Variants in HCRTR2 observed in about 807,000 individuals in gnomAD.
HCRTR2 encodes hypocretin receptor 2, also known as orexin receptor type 2.
A neutral mutation model predicts 49.0 loss-of-function variants in HCRTR2; 22 were observed. The ratio of observed to expected loss-of-function variants is 0.45; its 90% CI spans 0.32 to 0.64. HCRTR2 has a LOEUF of 0.64. Ranked by LOEUF, HCRTR2 falls within the 30% of genes least tolerant of loss-of-function variation. The pLI is 0.04. For synonymous variants in HCRTR2, 236 were observed against 205.3 expected (o/e 1.15, Z -1.28); for missense variants, 491 against 559.4 (o/e 0.88, Z 1.23).
chr6:55,284,528 T>C (rs1185480425), downstream of HCRTR2, among the ~76,000 whole-genome samples: 1 of 152,132 alleles, frequency 6.6e-6, no homozygotes, highest in African/African-American at 2.4e-5. Context: ...CTGACATCAG[T>C]TTATCTGCCT....
intron 1 of HCRTR2, among the ~76,000 whole-genome samples, chr6:55,141,313 C>T (rs1415486120): frequency 2.0e-5 from 3 of 151,858 alleles, no homozygotes; most frequent in Non-Finnish European, 2.9e-5. Flanking sequence ...CACTGCACTC[C>T]AGCCTGGGCG....
chr6:55,174,542 C>A lies in HCRTR2; in HGVS notation c.-46C>A. ...AAATCACCAGTGCTCATGGGGCAGGCGGAGAGGAGCTTGCAGCATTGAGCG... is the reference window on the plus strand; with the variant it reads ...AAATCACCAGTGCTCATGGGGCAGGAGGAGAGGAGCTTGCAGCATTGAGCG... On this transcript the variant is annotated 5_prime_UTR_variant, in exon 1 of 7. Transcript: ENST00000370862. 2 of 1,484,066 alleles carry A rather than the reference C, an allele frequency of 1.3e-6. No homozygotes were observed. Among genetic ancestry groups the A allele is most frequent in the Non-Finnish European group, 1.9e-6 (2 of 1,061,840 alleles). 91.9% of individuals were successfully genotyped at this position (1,484,066 alleles called of 1,614,324 possible).
intron 1 of HCRTR2, among the ~76,000 whole-genome samples, chr6:55,139,277 C>A (rs1043509943): frequency 1.3e-5 from 2 of 152,096 alleles, no homozygotes; most frequent in African/African-American, 4.8e-5. Context: ...GTATGAGAGA[C>A]TAAGTTTATG....
chr6:55,207,622 C>G (rs1198035568), intron 1 of HCRTR2, among the ~76,000 whole-genome samples: 2 of 151,960 alleles, frequency 1.3e-5, no homozygotes, highest in Non-Finnish European at 2.9e-5. Context: ...AGGGAAGAAC[C>G]AAAAATTGTT....
At chr6:55,254,260 G>C (rs1184075190) in intron 2 of HCRTR2, among the ~76,000 whole-genome samples, 5 of 151,998 alleles carry the variant, frequency 3.3e-5, no homozygotes, top group African/African-American at 1.2e-4. Flanking sequence ...AAAGAAATCA[G>C]AAGTCTTTTT....
intron 1 of HCRTR2, among the ~76,000 whole-genome samples, chr6:55,181,730 G>A (rs1483752301): frequency 2.0e-5 from 3 of 152,102 alleles, no homozygotes; most frequent in Admixed American, 1.3e-4. Flanking sequence ...TGTCAGCTTG[G>A]GAAAAGCTTG....
chr6:55,157,034 CAATT>C (rs1381238265), intron 1 of HCRTR2, among the ~76,000 whole-genome samples: 1 of 151,904 alleles, frequency 6.6e-6, no homozygotes, highest in African/African-American at 2.4e-5. Context: ...TAGTTCTAGT[CAATT>C]AATCATTAAA....
At chr6:55,178,717 C>A (rs1765082278) in intron 1 of HCRTR2, among the ~76,000 whole-genome samples, 1 of 152,280 alleles carries the variant, frequency 6.6e-6, no homozygotes, top group Admixed American at 6.5e-5. Flanking sequence ...ATGGTGTTGG[C>A]ACACATTACT....
chr6:55,172,291 G>A (rs1198340178), upstream of HCRTR2, among the ~76,000 whole-genome samples: 1 of 151,906 alleles, frequency 6.6e-6, no homozygotes, highest in African/African-American at 2.4e-5. Context: ...TGTGACCTTT[G>A]GGATTTTCTA....
chr6:55,254,136 C>T (rs62416821), intron 2 of HCRTR2, among the ~76,000 whole-genome samples: 26,329 of 151,958 alleles, frequency 0.17, 2,778 homozygotes, highest in Non-Finnish European at 0.24. Context: ...CCTCCTACCA[C>T]AGAGCTTTGT....
intron 1 of HCRTR2, among the ~76,000 whole-genome samples, chr6:55,148,577 G>A (rs904412653): frequency 4.6e-5 from 7 of 152,140 alleles, no homozygotes; most frequent in African/African-American, 1.4e-4. Flanking sequence ...AGAGTAGCCT[G>A]CAGGAAAGCT....
chr6:55,262,238 C>T (rs1451327063), intron 3 of HCRTR2, among the ~76,000 whole-genome samples: 2 of 150,306 alleles, frequency 1.3e-5, no homozygotes, highest in African/African-American at 2.5e-5. Flanking sequence ...CAAACACCAA[C>T]TGTTTCCCCA....
At chr6:55,149,215 T>G in intron 1 of HCRTR2, among the ~76,000 whole-genome samples, 1 of 152,096 alleles carries the variant, frequency 6.6e-6, no homozygotes, top group Non-Finnish European at 1.5e-5. Flanking sequence ...ACAGTTTTGT[T>G]TTGTGGAAAA....
chr6:55,121,308 T>G (rs1198895109), intron 1 of HCRTR2, among the ~76,000 whole-genome samples: 3 of 152,126 alleles, frequency 2.0e-5, no homozygotes, highest in Non-Finnish European at 4.4e-5. Context: ...TGTTTGTGAT[T>G]TTTGCACATT....
At chr6:55,236,164 T>G (rs1766209147) in intron 1 of HCRTR2, among the ~76,000 whole-genome samples, 1 of 152,132 alleles carries the variant, frequency 6.6e-6, no homozygotes, top group African/African-American at 2.4e-5. Flanking sequence ...CCATTTAGGT[T>G]ATTTTTCATA....
intron 1 of HCRTR2, among the ~76,000 whole-genome samples, chr6:55,146,230 T>TCC (rs1299801754): frequency 6.6e-6 from 1 of 152,162 alleles, no homozygotes; most frequent in African/African-American, 2.4e-5. Context: ...TCAATGTTTA[T>TCC]CTCAGAAAGG....
At chr6:55,113,942 T>C (rs866897889) in intron 1 of HCRTR2, among the ~76,000 whole-genome samples, 38 of 151,800 alleles carry the variant, frequency 2.5e-4, no homozygotes, top group Middle Eastern at 6.8e-3. Flanking sequence ...GTATATATAA[T>C]GGAATACTAC....
intron 2 of HCRTR2, among the ~76,000 whole-genome samples, chr6:55,249,800 G>C (rs1052101346): frequency 6.6e-6 from 1 of 152,050 alleles, no homozygotes; most frequent in Non-Finnish European, 1.5e-5. Context: ...CATCCTAAAA[G>C]ATGGATTTCC....
At chr6:55,209,021 C>T (rs1765652965) in intron 1 of HCRTR2, among the ~76,000 whole-genome samples, 1 of 152,286 alleles carries the variant, frequency 6.6e-6, no homozygotes, top group African/African-American at 2.4e-5. Context: ...TCTTTTATTA[C>T]ATATGCATTT....
Sources: gnomAD v4.1 joint callset for allele counts (sites outside exome capture counted in the v4.1 genomes callset) on GRCh38, gnomAD v4.1.1 for gene constraint, MANE v1.5 for transcripts, NCBI Gene and HGNC (gene_info 2026-07-23, HGNC 2026-07-21) for gene names.